CEP112: variants seen among roughly 807,000 people sequenced by gnomAD.
The protein encoded by CEP112 is centrosomal protein of 112 kDa.
A neutral mutation model predicts 153.0 loss-of-function variants in CEP112; 127 were observed. That is an observed-to-expected ratio of 0.83 (90% confidence interval 0.72 to 0.96). The LOEUF is 0.96. Ranked by LOEUF, CEP112 falls within the 40% of genes least tolerant of loss-of-function variation. The pLI, the probability that CEP112 is intolerant of heterozygous loss-of-function variation, is 0.00. For synonymous variants in CEP112, 358 were observed against 374.4 expected, an observed-to-expected ratio of 0.96 and a Z score of 0.51; for missense variants, 1,089 against 1,101.2, an observed-to-expected ratio of 0.99 and a Z score of 0.16.
chr17:65,743,043 C>T, intron 23 of CEP112, 25 bp downstream of exon 23: 5 of 1,577,268 alleles, frequency 3.2e-6, no homozygotes, highest in Non-Finnish European at 4.3e-6. Flanking sequence ...GCTGGTACCA[C>T]TGGTTACTGA....
Position 65,771,294 on chromosome 17 carries a change from A to AG in CEP112, c.2395-20571dup, listed in dbSNP as rs146461364. Among the ~76,000 whole-genome samples the AG allele has an allele frequency of 2.8e-3, 424 of 152,272 alleles. 3 individuals are homozygous for AG. Among genetic ancestry groups the AG allele is most frequent in the African/African-American group, 9.4e-3 (392 of 41,566 alleles). Reference sequence around the variant, plus strand: ...GCTCTGTATCTCTGTAGAGATACAGAGGGGCATTTCACAATGATAAAAATT... The same window carrying AG: ...GCTCTGTATCTCTGTAGAGATACAGAGGGGGCATTTCACAATGATAAAAATT... On this transcript the variant is annotated intron_variant, in intron 21 of 26. Coordinates refer to ENST00000535342, the MANE Select transcript of CEP112 (RefSeq NM_001199165.4).
At chr17:66,122,093 A>G (rs1451671052) in intron 6 of CEP112, among the ~76,000 whole-genome samples, 1 of 151,934 alleles carries the variant, frequency 6.6e-6, no homozygotes, top group Non-Finnish European at 1.5e-5. Context: ...ATGGGGTTTC[A>G]CTATGTTAGC....
At chr17:65,945,490 A>G (rs915087061) in intron 18 of CEP112, among the ~76,000 whole-genome samples, 2 of 152,192 alleles carry the variant, frequency 1.3e-5, no homozygotes, top group South Asian at 2.1e-4. Context: ...ACCCATTTAT[A>G]TTCATATTAG....
At chr17:66,042,479 G>C (rs2066026935) in intron 12 of CEP112, among the ~76,000 whole-genome samples, 1 of 152,048 alleles carries the variant, frequency 6.6e-6, no homozygotes, top group Non-Finnish European at 1.5e-5. Context: ...GCATCAGACA[G>C]TTTCTACTAG....
intron 1 of CEP112, among the ~76,000 whole-genome samples, chr17:66,185,180 A>AAGAACTGAT (rs199600034): frequency 0.034 from 5,182 of 152,314 alleles, 126 homozygotes; most frequent in Middle Eastern, 0.061. Context: ...CTACAGTGGC[A>AAGAACTGAT]AGAACTATAT....
chr17:66,095,390 C>A (rs1448708370), intron 8 of CEP112, among the ~76,000 whole-genome samples: 6 of 151,990 alleles, frequency 3.9e-5, no homozygotes, highest in Admixed American at 3.9e-4. Context: ...ACCTAGAGAA[C>A]ACGATGTTAA....
chr17:65,650,178 G>C (rs772630583), intron 24 of CEP112, among the ~76,000 whole-genome samples: 3 of 152,142 alleles, frequency 2.0e-5, no homozygotes, highest in Non-Finnish European at 4.4e-5. Context: ...TTGTTGTGTG[G>C]GGTTTTGCCA....
intron 24 of CEP112, among the ~76,000 whole-genome samples, chr17:65,677,896 G>T (rs1433157443): frequency 1.3e-5 from 2 of 152,240 alleles, no homozygotes; most frequent in African/African-American, 4.8e-5. Context: ...CTGGGAGACA[G>T]AACAAGACCT....
At chr17:65,760,360 A>G (rs1005455454) in intron 21 of CEP112, among the ~76,000 whole-genome samples, 16 of 152,158 alleles carry the variant, frequency 1.1e-4, no homozygotes, top group African/African-American at 3.9e-4. Context: ...GAAAGCTTCT[A>G]CTTTCTCACC....
chr17:65,699,855 G>A (rs1160773351), intron 23 of CEP112, among the ~76,000 whole-genome samples: 5 of 152,108 alleles, frequency 3.3e-5, no homozygotes, highest in Non-Finnish European at 5.9e-5. Context: ...CCCCATTAGT[G>A]AACTCCTTCC....
At chr17:66,020,369 C>A (rs921764134) in intron 16 of CEP112, among the ~76,000 whole-genome samples, 1 of 152,152 alleles carries the variant, frequency 6.6e-6, no homozygotes, top group Non-Finnish European at 1.5e-5. Flanking sequence ...CAGGTCAATA[C>A]GTGTTGCTAG....
chr17:66,114,486 A>G (rs948137364), intron 6 of CEP112, among the ~76,000 whole-genome samples: 3 of 152,206 alleles, frequency 2.0e-5, no homozygotes, highest in African/African-American at 7.2e-5. Flanking sequence ...GTCAAGCAAT[A>G]TATTACCAGT....
intron 11 of CEP112, among the ~76,000 whole-genome samples, chr17:66,060,086 C>T (rs2066864169): frequency 6.6e-6 from 1 of 152,030 alleles, no homozygotes; most frequent in African/African-American, 2.4e-5. Context: ...GGGAGCTAAA[C>T]ATTGGTATAT....
At chr17:66,190,666 TTA>T (rs2073130949) in intron 1 of CEP112, among the ~76,000 whole-genome samples, 1 of 152,260 alleles carries the variant, frequency 6.6e-6, no homozygotes, top group African/African-American at 2.4e-5. Flanking sequence ...TGACTCTTGC[TTA>T]TAGCTACAAT....
chr17:65,942,022 A>C (rs1241175366), intron 18 of CEP112, among the ~76,000 whole-genome samples: 1 of 152,132 alleles, frequency 6.6e-6, no homozygotes, highest in Non-Finnish European at 1.5e-5. Context: ...GAGAAAGCCC[A>C]CGTATCCATA....
intron 18 of CEP112, among the ~76,000 whole-genome samples, chr17:65,945,849 G>A (rs561017307): frequency 6.6e-6 from 1 of 152,238 alleles, no homozygotes; most frequent in African/African-American, 2.4e-5. Flanking sequence ...GTTTCACCAT[G>A]TTGGCCAGGC....
intron 12 of CEP112, among the ~76,000 whole-genome samples, chr17:66,035,254 G>A (rs1166471484): frequency 6.6e-6 from 1 of 151,924 alleles, no homozygotes; most frequent in Non-Finnish European, 1.5e-5. Flanking sequence ...TGTTCAAAAG[G>A]AGCAGAACTA....
chr17:65,708,618 T>C (rs369567049), intron 23 of CEP112, among the ~76,000 whole-genome samples: 12 of 152,160 alleles, frequency 7.9e-5, no homozygotes, highest in African/African-American at 2.9e-4. Flanking sequence ...AGTTCTTCTC[T>C]TGCCCCTTGG....
At chr17:65,964,810 T>G (rs1230886293) in intron 17 of CEP112, among the ~76,000 whole-genome samples, 1 of 152,222 alleles carries the variant, frequency 6.6e-6, no homozygotes, top group Non-Finnish European at 1.5e-5. Flanking sequence ...GAGGCCCTTC[T>G]AAAAGCACTT....
Sources: allele counts gnomAD v4.1 joint callset (sites outside exome capture counted in the v4.1 genomes callset), GRCh38; gene constraint gnomAD v4.1.1; transcripts MANE v1.5; gene names NCBI Gene and HGNC (gene_info 2026-07-23, HGNC 2026-07-21).